The following PDP1 variants were observed in gnomAD, a reference collection of about 807,000 sequenced individuals.
The protein encoded by PDP1 is pyruvate dehydrogenase phosphatase catalytic subunit 1, also known as pyruvate dehyrogenase phosphatase catalytic subunit 1.
In PDP1, 14 loss-of-function variants were observed where a neutral mutation model predicts 37.1. The observed-to-expected ratio is 0.38, with a 90% CI of 0.25 to 0.59. The LOEUF (loss-of-function observed/expected upper bound fraction) is 0.59, where lower values mean the gene tolerates loss of function less well. Among genes scored for constraint, PDP1 ranks in the 20% least tolerant of loss-of-function variants. The probability of loss-of-function intolerance (pLI) is 0.67; values close to 1 mark genes in which losing one functional copy is unlikely to be tolerated. For synonymous variants in PDP1, 251 were observed against 243.3 expected (o/e 1.03, Z -0.29); for missense variants, 544 against 655.3 (o/e 0.83, Z 1.85).
In PDP1 at chr8:93,922,452, C is replaced by G; in HGVS notation, c.393C>G (p.Thr131=). 6.2e-7 allele frequency: 1 copy of G among 1,614,184 alleles called. No individual in the cohort carries two copies. Among genetic ancestry groups the G allele is most frequent in the Non-Finnish European group, 8.5e-7 (1 of 1,180,000 alleles). Residue 131 remains threonine (T), a synonymous_variant, in exon 2 of 2, where the codon ACC becomes ACG. Transcript: ENST00000297598. This position sits in a 1 kb window ranked among gnomAD's most constrained non-coding sequence, Gnocchi z 4.0. The stretch of plus-strand genomic sequence containing the variant: ...TTGAGGACCGGAGAAGTGCAGCAAC[C>G]TGCTTGCAGACCAGAGGGATGCTTT... ...APIEDRRSAA[T]CLQTRGMLLG...
intron 1 of PDP1, chr8:93,920,616 G>C: frequency 2.1e-6 from 2 of 952,110 alleles, no homozygotes; most frequent in Non-Finnish European, 2.5e-6. Flanking sequence ...AGCGCACATA[G>C]TGAGTGATAG....
At position 93,923,479 on chromosome 8, in the gene PDP1, G is replaced by T; in HGVS notation, c.1420G>T (p.Glu474Ter). 1 of 1,602,428 alleles carries T rather than the reference G, an allele frequency of 6.2e-7. No homozygotes were observed. Among genetic ancestry groups the T allele is most frequent in the South Asian group, 1.1e-5 (1 of 90,442 alleles). ...GAGAACCAAAATGTCCTCGGTATTTGAGGATCAGAACGCAGCAACCCATCT... is the reference window on the plus strand; with the variant it reads ...GAGAACCAAAATGTCCTCGGTATTTTAGGATCAGAACGCAGCAACCCATCT... ...ERRTKMSSVF[E>*]DQNAATHLIR... Residue 474 changes from glutamate to a stop codon, truncating the protein, a stop_gained, in exon 2 of 2, where the codon GAG becomes TAG. Coordinates refer to ENST00000297598, the MANE Select transcript of PDP1 (RefSeq NM_018444.4). LOFTEE classifies it high-confidence loss of function. This position sits in a 1 kb window ranked among gnomAD's most constrained non-coding sequence, Gnocchi z 4.3.
Position 93,923,835 on chromosome 8 carries a change from TG to T in PDP1, c.*164del. On this transcript the variant is annotated 3_prime_UTR_variant, in exon 2 of 2. Coordinates refer to ENST00000297598, the MANE Select transcript of PDP1 (RefSeq NM_018444.4). This position sits in a 1 kb window ranked among gnomAD's most constrained non-coding sequence, Gnocchi z 4.3. ...ACTCCAAATTGACTTTGCAGCAGGG[TG>T]GCAGGGTCAGGAGAGTCTGGTCCTG... is the stretch of plus-strand genomic sequence containing the variant. 2.9e-6 allele frequency: 2 copies of T among 693,016 alleles called. No individual in the cohort carries two copies. The highest frequency in any genetic ancestry group is 3.3e-5 in the South Asian group (2 of 60,842). 42.9% of individuals were successfully genotyped at this position (693,016 alleles called of 1,614,324 possible). A position where few individuals can be genotyped will look rare whatever the true frequency, so the allele number is the denominator to read the frequency against.
At chr8:93,920,655 C>A in intron 1 of PDP1, 1 of 943,334 alleles carries the variant, frequency 1.1e-6, no homozygotes, top group Non-Finnish European at 1.3e-6. Context: ...AATTATATTG[C>A]TGTACCTTTT....
chr8:93,918,220 A>G (rs959901224), intron 1 of PDP1, among the ~76,000 whole-genome samples: 1 of 152,218 alleles, frequency 6.6e-6, no homozygotes, highest in Non-Finnish European at 1.5e-5. Context: ...TGAAATGGCT[A>G]GGCATTTCCA....
In PDP1 at chr8:93,923,484, T is replaced by A. The variant is rs757927785; in HGVS notation, c.1425T>A (p.Asp475Glu). Residue 475 changes from aspartate (D) to glutamate (E), a missense_variant, in exon 2 of 2, where the codon GAT becomes GAA. Coordinates refer to ENST00000297598, the MANE Select transcript of PDP1 (RefSeq NM_018444.4). This position sits in a 1 kb window ranked among gnomAD's most constrained non-coding sequence, Gnocchi z 4.3. The stretch of plus-strand genomic sequence containing the variant: ...CCAAAATGTCCTCGGTATTTGAGGA[T>A]CAGAACGCAGCAACCCATCTCATTC... ...RRTKMSSVFE[D>E]QNAATHLIRH... The A allele has an allele frequency of 1.2e-6, 2 of 1,603,964 alleles. No homozygotes were observed. Among genetic ancestry groups the A allele is most frequent in the Admixed American group, 1.7e-5 (1 of 59,626 alleles).
intron 1 of PDP1, chr8:93,920,942 G>A (rs1810249896): frequency 8.1e-6 from 8 of 983,360 alleles, no homozygotes. Context: ...ATCCATAGTA[G>A]ATGAAAATAC....
In PDP1 at chr8:93,922,912, C is replaced by T; in HGVS notation, c.853C>T (p.His285Tyr). The change falls in exon 2 of 2, where the codon CAT becomes TAT. Residue 285 changes from histidine (H) to tyrosine (Y), a missense_variant. Physicochemically the swap from His to Tyr is moderately conservative, Grantham distance 83 (BLOSUM62 2). Around this residue, in one of 5 missense-constraint regions of PDP1, gnomAD observed 342 missense variants for 414.0 expected, o/e 0.83. Coordinates refer to ENST00000297598, the MANE Select transcript of PDP1 (RefSeq NM_018444.4). This position sits in a 1 kb window ranked among gnomAD's most constrained non-coding sequence, Gnocchi z 4.0. ...CVAHVDGVDLHVANTGDSRAM... is the reference protein window; with the variant it reads ...CVAHVDGVDLYVANTGDSRAM... Reference sequence around the variant, plus strand: ...GGCCCATGTGGATGGTGTTGACCTTCATGTGGCCAATACTGGCGATAGCAG... The same window carrying T: ...GGCCCATGTGGATGGTGTTGACCTTTATGTGGCCAATACTGGCGATAGCAG... 3 of 1,614,194 alleles carry T rather than the reference C, an allele frequency of 1.9e-6. No individual in the cohort carries two copies. Among genetic ancestry groups the T allele is most frequent in the Non-Finnish European group, 2.5e-6 (3 of 1,180,032 alleles).
rs765330955 is a variant in PDP1, at chr8:93,922,978, G to T, written c.919G>T (p.Ala307Ser). The stretch of plus-strand genomic sequence containing the variant: ...GCAGGAAGAGGACGGCTCATGGTCA[G>T]CAGTCACGCTGTCTAATGACCACAA... Reference protein sequence around the residue: ...GVQEEDGSWSAVTLSNDHNAQ... With the variant: ...GVQEEDGSWSSVTLSNDHNAQ... Residue 307 changes from alanine to serine, a missense_variant, in exon 2 of 2, where the codon GCA becomes TCA. Physicochemically the swap from Ala to Ser is moderately conservative, Grantham distance 99. This residue lies in a region of PDP1 where 342 missense variants were observed against 414.0 expected (regional missense o/e 0.83). Transcript: ENST00000297598. The surrounding 1 kb of genome is among the most constrained non-coding windows in gnomAD (Gnocchi z 4.0). 3.7e-6 allele frequency: 6 copies of T among 1,614,190 alleles called. No individual in the cohort carries two copies. The highest frequency in any genetic ancestry group is 4.2e-6 in the Non-Finnish European group (5 of 1,180,028).
Position 93,923,458 on chromosome 8 carries a change from AC to A in PDP1, c.1401del (p.Met469CysfsTer54), listed in dbSNP as rs1419977863. 1 of 1,597,240 alleles carries A rather than the reference AC, an allele frequency of 6.3e-7. No individual in the cohort carries two copies. The highest frequency in any genetic ancestry group is 2.2e-5 in the East Asian group (1 of 44,568). On this transcript the variant is annotated frameshift_variant, in exon 2 of 2. Transcript: ENST00000297598. LOFTEE classifies it high-confidence loss of function. This position sits in a 1 kb window ranked among gnomAD's most constrained non-coding sequence, Gnocchi z 4.3. The part of the protein sequence containing the change: ...QMHGLLTERR[T>X]KMSSVFEDQN... ...GCATGGCCTTTTAACAGAAAGGAGAACCAAAATGTCCTCGGTATTTGAGGAT... is the reference window on the plus strand; with the variant it reads ...GCATGGCCTTTTAACAGAAAGGAGAACAAAATGTCCTCGGTATTTGAGGAT...
chr8:93,923,656 T>C lies in PDP1; in HGVS notation c.1597T>C (p.Tyr533His), dbSNP rs1554572967. The C allele has an allele frequency of 6.2e-7, 1 of 1,613,678 alleles. No homozygotes were observed. Among genetic ancestry groups the C allele is most frequent in the South Asian group, 1.1e-5 (1 of 91,054 alleles). Residue 533 changes from tyrosine to histidine, a missense_variant, in exon 2 of 2, where the codon TAT becomes CAT. Tyr to His is a moderately conservative substitution (Grantham distance 83). Transcript: ENST00000297598. This position sits in a 1 kb window ranked among gnomAD's most constrained non-coding sequence, Gnocchi z 4.3. ...VQFNSHVVGAYQNQE is the reference protein window; with the variant it reads ...VQFNSHVVGAHQNQE ...GTTCAATTCTCATGTTGTAGGGGCG[T>C]ATCAAAACCAAGAATAGTGAGTGGC...
chr8:93,917,279 C>A (rs1188482599), intron 1 of PDP1, 200 bp downstream of exon 1: 1 of 37,970 alleles, frequency 2.6e-5, no homozygotes, highest in African/African-American at 1.1e-4. Flanking sequence ...CGTCGGGGGG[C>A]TGGGGGCGGG....
Position 93,917,175 on chromosome 8 carries a change from C to A in PDP1, c.-45+96C>A, listed in dbSNP as rs567368232. ...GGCGCCGGGCGTGCTCGCGGATCGG[C>A]GGCCGCGGGCGTGCGGAGGGCTGGA... On this transcript the variant is annotated intron_variant, in intron 1 of 1. Transcript: ENST00000297598. 156 of 402,660 alleles carry A rather than the reference C, an allele frequency of 3.9e-4. 1 individual carries two copies. Among genetic ancestry groups the A allele is most frequent in the African/African-American group, 3.1e-3 (140 of 45,222 alleles). The allele number at this position is 402,660 out of a possible 1,614,324, so 24.9% of individuals were successfully genotyped here. A position where few individuals can be genotyped will look rare whatever the true frequency, so the allele number is the denominator to read the frequency against.
Position 93,917,869 on chromosome 8 carries a change from G to A in PDP1, c.-45+790G>A, listed in dbSNP as rs377053249. On this transcript the variant is annotated intron_variant, in intron 1 of 1. Transcript: ENST00000297598. Reference sequence around the variant, plus strand: ...GGTGCTGCTGTCGCTGCTGCTGCCCGCGCGGGTTGTGGATGTTGTCGGCTC... The same window carrying A: ...GGTGCTGCTGTCGCTGCTGCTGCCCACGCGGGTTGTGGATGTTGTCGGCTC... 12 of 1,613,732 alleles carry A rather than the reference G, an allele frequency of 7.4e-6. No homozygotes were observed. In the Middle Eastern group the frequency reaches 6.6e-4, roughly 88 times the overall value.
In PDP1 at chr8:93,924,992, T is replaced by C. The variant is rs1313147459; in HGVS notation, c.*1319T>C. On this transcript the variant is annotated 3_prime_UTR_variant, in exon 2 of 2. Transcript: ENST00000297598. ...TCAAGTGGCATTTTGTTCCTGTGTT[T>C]AATAGTGATCTGTATACAGCTGTGC... The C allele has an allele frequency of 1.2e-5, 2 of 167,042 alleles. No homozygotes were observed. The highest frequency in any genetic ancestry group is 1.3e-4 in the Admixed American group (2 of 15,282). The allele number at this position is 167,042 out of a possible 1,614,324, so 10.3% of individuals were successfully genotyped here. A position where few individuals can be genotyped will look rare whatever the true frequency, so the allele number is the denominator to read the frequency against.
Position 93,923,199 on chromosome 8 carries a change from A to C in PDP1, c.1140A>C (p.Glu380Asp). Residue 380 changes from glutamate (E) to aspartate (D), a missense_variant, in exon 2 of 2, where the codon GAA becomes GAC. Transcript: ENST00000297598. The surrounding 1 kb of genome is among the most constrained non-coding windows in gnomAD (Gnocchi z 4.3). ...GCCCAGACCAGTTGAATGACAATGA[A>C]TATACCAAGTTTATTCCTCCTAATT... ...ESGPDQLNDN[E>D]YTKFIPPNYH... 1 of 1,614,144 alleles carries C rather than the reference A, an allele frequency of 6.2e-7. No individual in the cohort carries two copies. The highest frequency in any genetic ancestry group is 8.5e-7 in the Non-Finnish European group (1 of 1,179,968).
Position 93,916,966 on chromosome 8 carries a change from T to G in PDP1, c.-158T>G. 2 of 454,454 alleles carry G rather than the reference T, an allele frequency of 4.4e-6. No homozygotes were observed. Among genetic ancestry groups the G allele is most frequent in the Middle Eastern group, 3.6e-4 (1 of 2,808 alleles). 28.2% of individuals were successfully genotyped at this position (454,454 alleles called of 1,614,324 possible). A position where few individuals can be genotyped will look rare whatever the true frequency, so the allele number is the denominator to read the frequency against. On this transcript the variant is annotated 5_prime_UTR_variant, in exon 1 of 2. Transcript: ENST00000297598. ...GGGAGCAGAGTGGGCAGGCCGGGGG[T>G]GAGGGCTCGCGCTCCGGGAGCTGCA... is the stretch of plus-strand genomic sequence containing the variant.
chr8:93,917,996 A>C, intron 1 of PDP1: 1 of 1,606,566 alleles, frequency 6.2e-7, no homozygotes, highest in Non-Finnish European at 8.5e-7. Flanking sequence ...GGATGGTGAC[A>C]GATTTTTGTG....
At chr8:93,920,723 C>CTTTT in intron 1 of PDP1, 6 of 780,360 alleles carry the variant, frequency 7.7e-6, no homozygotes, top group Non-Finnish European at 9.1e-6. Context: ...AAGTAAATAC[C>CTTTT]TTTTTTTTTT....
Sources: allele counts gnomAD v4.1 joint callset (sites outside exome capture counted in the v4.1 genomes callset), GRCh38; gene constraint gnomAD v4.1.1; regional missense constraint gnomAD v4.1.1; non-coding constraint Gnocchi (gnomAD v3.1); transcripts MANE v1.5; gene names NCBI Gene and HGNC (gene_info 2026-07-23, HGNC 2026-07-21).